Variants in LEF1 observed in about 807,000 individuals in gnomAD.
The protein encoded by LEF1 is lymphoid enhancer binding factor 1.
Under a neutral mutation model 51.2 loss-of-function variants are expected in LEF1, and 14 were observed. The ratio of observed to expected loss-of-function variants is 0.27; its 90% CI spans 0.18 to 0.43. The LOEUF (loss-of-function observed/expected upper bound fraction) is 0.43. Among genes scored for constraint, LEF1 ranks in the 20% least tolerant of loss-of-function variants. The pLI is 1.00. For missense variants in LEF1, 386 were observed against 512.0 expected, an observed-to-expected ratio of 0.75 and a Z score of 2.37; for synonymous variants, 185 against 183.2, an observed-to-expected ratio of 1.01 and a Z score of -0.08.
intron 11 of LEF1, among the ~76,000 whole-genome samples, chr4:108,060,486 A>G (rs1737606695): frequency 6.6e-6 from 1 of 152,068 alleles, no homozygotes; most frequent in Admixed American, 6.6e-5. Flanking sequence ...ACAAATTTAT[A>G]CAAGAGCTAA....
At chr4:108,071,095 C>T (rs1021618287) in intron 8 of LEF1, among the ~76,000 whole-genome samples, 1 of 152,184 alleles carries the variant, frequency 6.6e-6, no homozygotes, top group African/African-American at 2.4e-5. Context: ...CACTGGTGAA[C>T]CTCAACACCC....
chr4:108,070,412 TTAA>T (rs1478941553), intron 9 of LEF1: 1 of 296,790 alleles, frequency 3.4e-6, no homozygotes, highest in Non-Finnish European at 6.1e-6. Context: ...TTATCAAATT[TTAA>T]TAATAAGGTA....
intron 11 of LEF1, among the ~76,000 whole-genome samples, chr4:108,056,503 G>A (rs992940447): frequency 6.6e-6 from 1 of 152,232 alleles, no homozygotes; most frequent in African/African-American, 2.4e-5. Flanking sequence ...TGGCCAGGAT[G>A]TGAAAAACTG....
chr4:108,148,401 C>T (rs1744127033), intron 3 of LEF1, among the ~76,000 whole-genome samples: 1 of 152,062 alleles, frequency 6.6e-6, no homozygotes, highest in South Asian at 2.1e-4. Flanking sequence ...GAACTGAAAG[C>T]AGGTAAAGAA....
intron 11 of LEF1, among the ~76,000 whole-genome samples, chr4:108,061,761 T>G (rs558069397): frequency 5.9e-5 from 9 of 152,354 alleles, no homozygotes; most frequent in African/African-American, 1.2e-4. Flanking sequence ...CTTCTAATAA[T>G]GGAGCCAGGT....
chr4:108,064,752 C>G (rs1737957868), intron 9 of LEF1, among the ~76,000 whole-genome samples: 1 of 151,980 alleles, frequency 6.6e-6, no homozygotes. Flanking sequence ...CACACATACA[C>G]ACACACGGAT....
rs201466717 is a variant in LEF1 at position 108,089,111 on chromosome 4, A to G, written c.547+14T>C. 3 of 1,613,294 alleles carry G rather than the reference A, an allele frequency of 1.9e-6. No individual in the cohort carries two copies. Among genetic ancestry groups the G allele is most frequent in the Non-Finnish European group, 2.5e-6 (3 of 1,179,774 alleles). On this transcript the variant is annotated intron_variant, in intron 4 of 11. Transcript: ENST00000265165. ...TGGCAAAAAAAAAGGGCCTGGAAAG[A>G]CAGGGACTCTCACCTTGTTTGGAGT... is the stretch of plus-strand genomic sequence containing the variant.
At chr4:108,084,737 A>G (rs1739529446) in intron 4 of LEF1, among the ~76,000 whole-genome samples, 1 of 152,226 alleles carries the variant, frequency 6.6e-6, no homozygotes, top group Admixed American at 6.5e-5. Flanking sequence ...TATTCAAAAA[A>G]ATTGTTTTTG....
chr4:108,079,668 C>T, intron 6 of LEF1, 54 bp from the exon 7 acceptor site: 2 of 1,604,778 alleles, frequency 1.2e-6, no homozygotes, highest in African/African-American at 2.7e-5. Flanking sequence ...GCAGCAAAAG[C>T]TAGATGGAAT....
intron 3 of LEF1, among the ~76,000 whole-genome samples, chr4:108,141,392 C>T (rs1743640831): frequency 6.6e-6 from 1 of 152,288 alleles, no homozygotes; most frequent in East Asian, 1.9e-4. Context: ...CCCCCCGCCA[C>T]ATCATTCATA....
In LEF1 at chr4:108,060,948, G is replaced by C. The variant is rs2126263128; in HGVS notation, c.*6+2675C>G. On this transcript the variant is annotated intron_variant, in intron 11 of 11. Transcript: ENST00000265165. Reference sequence around the variant, plus strand: ...AATGTTTCTGAATTCCTACAACAAAGGAAGGGGTGGGGGTACAACAGAAAT... The same window carrying C: ...AATGTTTCTGAATTCCTACAACAAACGAAGGGGTGGGGGTACAACAGAAAT... Among the ~76,000 whole-genome samples the C allele has an allele frequency of 1.3e-5, 2 of 152,234 alleles. 1 individual carries two copies. Among genetic ancestry groups the C allele is most frequent in the South Asian group, 4.1e-4 (2 of 4,822 alleles).
At chr4:108,109,713 A>G (rs1255151068) in intron 3 of LEF1, among the ~76,000 whole-genome samples, 2 of 152,246 alleles carry the variant, frequency 1.3e-5, no homozygotes, top group African/African-American at 4.8e-5. Flanking sequence ...AACAGAAGGC[A>G]AAACATTCAG....
chr4:108,109,824 G>A (rs1334482606), intron 3 of LEF1, among the ~76,000 whole-genome samples: 2 of 152,074 alleles, frequency 1.3e-5, no homozygotes, highest in Non-Finnish European at 2.9e-5. Flanking sequence ...CCATCATCAA[G>A]TGTCCCAGGC....
At chr4:108,137,359 A>G (rs1383219447) in intron 3 of LEF1, among the ~76,000 whole-genome samples, 1 of 151,440 alleles carries the variant, frequency 6.6e-6, no homozygotes, top group Non-Finnish European at 1.5e-5. Context: ...AGAAATCACC[A>G]CTAAAAAAAC....
At chr4:108,076,958 C>A (rs536577834) in intron 8 of LEF1, among the ~76,000 whole-genome samples, 1 of 139,662 alleles carries the variant, frequency 7.2e-6, no homozygotes, top group East Asian at 2.1e-4. Context: ...AGCTGGGAGG[C>A]AGAGTTTGCA....
At chr4:108,069,730 A>T (rs1416606062) in intron 9 of LEF1, among the ~76,000 whole-genome samples, 1 of 152,142 alleles carries the variant, frequency 6.6e-6, no homozygotes, top group East Asian at 1.9e-4. Context: ...GCAGAAGCAG[A>T]CAGATCAGCT....
At chr4:108,113,830 C>G (rs779539375) in intron 3 of LEF1, among the ~76,000 whole-genome samples, 2 of 152,142 alleles carry the variant, frequency 1.3e-5, no homozygotes, top group Non-Finnish European at 2.9e-5. Flanking sequence ...GTCACAAGTG[C>G]TTAGAATAAT....
At chr4:108,059,327 A>C (rs143519664) in intron 11 of LEF1, among the ~76,000 whole-genome samples, 109 of 152,296 alleles carry the variant, frequency 7.2e-4, no homozygotes, top group African/African-American at 2.6e-3. Context: ...TAAAGAAATG[A>C]AAATACAAGT....
chr4:108,099,989 A>C (rs1470759991), intron 3 of LEF1, among the ~76,000 whole-genome samples: 3 of 152,162 alleles, frequency 2.0e-5, no homozygotes, highest in Non-Finnish European at 4.4e-5. Context: ...ATTCCTTGAC[A>C]AGTAACCATC....
Sources: allele counts gnomAD v4.1 joint callset (sites outside exome capture counted in the v4.1 genomes callset), GRCh38; gene constraint gnomAD v4.1.1; transcripts MANE v1.5; gene names NCBI Gene and HGNC (gene_info 2026-07-23, HGNC 2026-07-21).